The following DPYS variants were observed in gnomAD, a reference collection of about 807,000 sequenced individuals.
The protein encoded by DPYS is dihydropyrimidine amidohydrolase.
In DPYS, 39 loss-of-function variants were observed where a neutral mutation model predicts 50.3. The ratio of observed to expected loss-of-function variants is 0.78; its 90% CI spans 0.60 to 1.01. The LOEUF (loss-of-function observed/expected upper bound fraction) is 1.01, where lower values mean the gene tolerates loss of function less well. DPYS is among the 50% of genes least tolerant of loss of function. The pLI, the probability that DPYS is intolerant of heterozygous loss-of-function variation, is 0.00. For missense variants in DPYS, 659 were observed against 680.9 expected (o/e 0.97, Z 0.36); for synonymous variants, 245 against 250.7 (o/e 0.98, Z 0.22).
chr8:104,420,801 T>C (rs1485284698), intron 7 of DPYS: 1 of 151,484 alleles, frequency 6.6e-6, no homozygotes, highest in African/African-American at 2.4e-5. Flanking sequence ...CCATGGTTCA[T>C]CTGCCTTCTG....
At chr8:104,460,386 C>T (rs1023731988) in intron 1 of DPYS, among the ~76,000 whole-genome samples, 33 of 152,244 alleles carry the variant, frequency 2.2e-4, no homozygotes, top group African/African-American at 7.9e-4. Context: ...GCTCTCTCTC[C>T]TGCCACCATG....
At chr8:104,439,196 T>A (rs759963078) in intron 4 of DPYS, among the ~76,000 whole-genome samples, 1 of 152,226 alleles carries the variant, frequency 6.6e-6, no homozygotes, top group Non-Finnish European at 1.5e-5. Context: ...CATTCATTTT[T>A]CATAGTTGAG....
chr8:104,382,849 T>C (rs1001686500), intron 8 of DPYS, among the ~76,000 whole-genome samples: 1 of 152,140 alleles, frequency 6.6e-6, no homozygotes, highest in African/African-American at 2.4e-5. Flanking sequence ...TTGCAGTGAG[T>C]GCCTCTGGAG....
At chr8:104,394,686 T>C (rs1319835220) in intron 7 of DPYS, among the ~76,000 whole-genome samples, 2 of 151,558 alleles carry the variant, frequency 1.3e-5, no homozygotes, top group African/African-American at 4.9e-5. Context: ...CATGTCACTT[T>C]CCTGCTTGAA....
chr8:104,428,909 CA>C (rs1812839707), intron 5 of DPYS, among the ~76,000 whole-genome samples: 1 of 151,852 alleles, frequency 6.6e-6, no homozygotes, highest in Non-Finnish European at 1.5e-5. Flanking sequence ...CTGCTCACTG[CA>C]ACCTCTGCCT....
At chr8:104,427,839 T>G in intron 6 of DPYS, 141 bp downstream of exon 6, 2 of 1,167,564 alleles carry the variant, frequency 1.7e-6, no homozygotes, top group African/African-American at 1.5e-5. Context: ...GTCGAGGTGA[T>G]AGTATTGCAT....
At position 104,420,708 on chromosome 8, in the gene DPYS, A is replaced by G. The variant is rs1025790433; in HGVS notation, c.1235+3539T>C. 55 of 151,624 alleles carry G rather than the reference A, an allele frequency of 3.6e-4. No individual in the cohort carries two copies. The Middle Eastern group carries it at 0.01, about 28-fold the overall frequency. The allele number at this position is 151,624 out of a possible 1,614,324, so 9.4% of individuals were successfully genotyped here. A position where few individuals can be genotyped will look rare whatever the true frequency, so the allele number is the denominator to read the frequency against. Reference sequence around the variant, plus strand: ...AATATTTTTCCACTTTTCAAAAAAAAAAAAAAAAACGATAAAACAAGAAAA... The same window carrying G: ...AATATTTTTCCACTTTTCAAAAAAAGAAAAAAAAACGATAAAACAAGAAAA... On this transcript the variant is annotated intron_variant, in intron 7 of 9. Coordinates refer to ENST00000351513, the MANE Select transcript of DPYS (RefSeq NM_001385.3).
chr8:104,410,087 C>T (rs184530249), intron 7 of DPYS, among the ~76,000 whole-genome samples: 4 of 152,256 alleles, frequency 2.6e-5, no homozygotes, highest in East Asian at 1.9e-4. Context: ...AGCTGGCACT[C>T]GATAAATGCT....
chr8:104,455,609 C>G (rs1813896669), intron 1 of DPYS, among the ~76,000 whole-genome samples: 1 of 152,170 alleles, frequency 6.6e-6, no homozygotes, highest in Admixed American at 6.5e-5. Flanking sequence ...TGTTTCCAAA[C>G]AGCATACAAG....
chr8:104,381,490 T>G (rs752505481), intron 8 of DPYS, 176 bp from the exon 9 acceptor site: 3 of 619,564 alleles, frequency 4.8e-6, no homozygotes, highest in Non-Finnish European at 8.6e-6. Flanking sequence ...GAATCTGGAT[T>G]GTCCCACTTT....
chr8:104,457,422 T>C (rs1362744285), intron 1 of DPYS, among the ~76,000 whole-genome samples: 1 of 152,228 alleles, frequency 6.6e-6, no homozygotes, highest in Non-Finnish European at 1.5e-5. Flanking sequence ...TCTGGAATTT[T>C]CCACTTAAGT....
intron 4 of DPYS, among the ~76,000 whole-genome samples, chr8:104,434,927 T>C (rs541415397): frequency 1.0e-3 from 156 of 152,350 alleles, no homozygotes; most frequent in African/African-American, 3.6e-3. Context: ...AAGCAGTGCA[T>C]TGACAATTTC....
chr8:104,417,818 A>G lies in DPYS; in HGVS notation c.1235+6429T>C, dbSNP rs191167629. 5.3e-4 allele frequency among the ~76,000 whole-genome samples: 80 copies of G among 152,308 alleles called. 1 individual carries two copies. Among genetic ancestry groups the G allele is most frequent in the East Asian group, 4.6e-3 (24 of 5,178 alleles). On this transcript the variant is annotated intron_variant, in intron 7 of 9. Coordinates refer to ENST00000351513, the MANE Select transcript of DPYS (RefSeq NM_001385.3). The stretch of plus-strand genomic sequence containing the variant: ...CTAGTGACGTCTTAGGTAATCTTTC[A>G]TCAGGATGTCCAAACCTTCCCTACT...
intron 6 of DPYS, among the ~76,000 whole-genome samples, chr8:104,425,308 G>A (rs1812685510): frequency 6.6e-6 from 1 of 152,174 alleles, no homozygotes; most frequent in Middle Eastern, 3.4e-3. Flanking sequence ...GCTCACTGCA[G>A]CTTTAACCTC....
At chr8:104,434,814 G>A (rs950557015) in intron 4 of DPYS, among the ~76,000 whole-genome samples, 1 of 152,036 alleles carries the variant, frequency 6.6e-6, no homozygotes, top group Admixed American at 6.6e-5. Context: ...GTTCAAATGA[G>A]CATCATATTT....
At chr8:104,410,088 G>A (rs978659587) in intron 7 of DPYS, among the ~76,000 whole-genome samples, 8 of 152,106 alleles carry the variant, frequency 5.3e-5, no homozygotes, top group African/African-American at 1.7e-4. Context: ...GCTGGCACTC[G>A]ATAAATGCTT....
intron 8 of DPYS, among the ~76,000 whole-genome samples, chr8:104,388,117 C>T (rs1811270325): frequency 6.6e-6 from 1 of 152,164 alleles, no homozygotes; most frequent in Non-Finnish European, 1.5e-5. Context: ...CTCTGAGCTA[C>T]CACCTTGAGA....
Position 104,466,711 on chromosome 8 carries a change from C to T in DPYS, c.210G>A (p.Met70Ile), listed in dbSNP as rs1406080703. ...ACCGCGAGCCCATGAAGGGGAACTG[C>T]ATGTGCGTGTGTGTGTCGATGCCTC... ...LPGGIDTHTH[M>I]QFPFMGSRSI... The change falls in exon 1 of 10, where the codon ATG (methionine) becomes ATA (isoleucine). Residue 70 changes from methionine (M) to isoleucine (I), a missense_variant. Transcript: ENST00000351513. The T allele has an allele frequency of 1.3e-6, 2 of 1,534,974 alleles. No homozygotes were observed. Among genetic ancestry groups the T allele is most frequent in the African/African-American group, 1.4e-5 (1 of 72,228 alleles).
chr8:104,439,241 A>G (rs1178802980), intron 4 of DPYS, among the ~76,000 whole-genome samples: 1 of 152,216 alleles, frequency 6.6e-6, no homozygotes, highest in African/African-American at 2.4e-5. Context: ...ACAAATCACT[A>G]CAAACTTATA....
Sources: allele counts gnomAD v4.1 joint callset (sites outside exome capture counted in the v4.1 genomes callset), GRCh38; gene constraint gnomAD v4.1.1; transcripts MANE v1.5; gene names NCBI Gene and HGNC (gene_info 2026-07-23, HGNC 2026-07-21).